ZCCHC7: variants seen among roughly 807,000 people sequenced by gnomAD.
ZCCHC7 encodes the protein zinc finger CCHC-type containing 7.
A neutral mutation model predicts 52.0 loss-of-function variants in ZCCHC7; 35 were observed. The ratio of observed to expected loss-of-function variants is 0.67; its 90% confidence interval spans 0.51 to 0.89. The LOEUF is 0.89. Among genes scored for constraint, ZCCHC7 ranks in the 40% least tolerant of loss-of-function variants. ZCCHC7 has a pLI of 0.00. For missense variants in ZCCHC7, 574 were observed against 649.1 expected, an observed-to-expected ratio of 0.88 and a Z score of 1.26; for synonymous variants, 217 against 221.5, an observed-to-expected ratio of 0.98 and a Z score of 0.18.
intron 2 of ZCCHC7, among the ~76,000 whole-genome samples, chr9:37,158,937 C>T (rs985998485): frequency 6.6e-6 from 1 of 152,178 alleles, no homozygotes; most frequent in Non-Finnish European, 1.5e-5. Context: ...GTGCAATCCT[C>T]CTAGTCTTGG....
chr9:37,157,444 A>G (rs867501296), intron 2 of ZCCHC7, among the ~76,000 whole-genome samples: 2 of 152,126 alleles, frequency 1.3e-5, no homozygotes, highest in African/African-American at 2.4e-5. Flanking sequence ...GTGAGCCATG[A>G]TTGTGCCACT....
At chr9:37,258,757 T>TAAAAAAAAAAAAAAA (rs5897683) in intron 2 of ZCCHC7, among the ~76,000 whole-genome samples, 4 of 55,366 alleles carry the variant, frequency 7.2e-5, no homozygotes, top group African/African-American at 3.4e-4. Context: ...TCCTGTCTCT[T>TAAAAAAAAAAAAAAA]AAAAAAAAAA....
intron 2 of ZCCHC7, among the ~76,000 whole-genome samples, chr9:37,221,431 G>A (rs1333926710): frequency 1.3e-5 from 2 of 152,154 alleles, no homozygotes; most frequent in East Asian, 3.9e-4. Context: ...AATGGCTATG[G>A]ATAATCATGT....
At chr9:37,129,826 G>A (rs1842698016) in intron 2 of ZCCHC7, among the ~76,000 whole-genome samples, 1 of 152,096 alleles carries the variant, frequency 6.6e-6, no homozygotes, top group Non-Finnish European at 1.5e-5. Context: ...GTAATTTCTT[G>A]GCACATACAT....
In ZCCHC7 at chr9:37,212,310, TA is replaced by T. The variant is rs542029893; in HGVS notation, c.610+85378del. On this transcript the variant is annotated intron_variant, in intron 2 of 8. Coordinates refer to ENST00000336755, the MANE Select transcript of ZCCHC7 (RefSeq NM_032226.3). ...CCCTGAGCCAATCTTCTACCATACC[TA>T]AAAAAAAAATTTTACTTAGAAATAT... 5.3e-5 allele frequency among the ~76,000 whole-genome samples: 8 copies of T among 149,546 alleles called. 1 individual carries two copies. Among genetic ancestry groups the T allele is most frequent in the Admixed American group, 2.0e-4 (3 of 14,958 alleles).
At chr9:37,198,873 C>T (rs1823434690) in intron 2 of ZCCHC7, among the ~76,000 whole-genome samples, 1 of 152,122 alleles carries the variant, frequency 6.6e-6, no homozygotes, top group Non-Finnish European at 1.5e-5. Context: ...TGTTCAATAC[C>T]TTTTTTGCAT....
At chr9:37,142,380 C>T (rs1351194617) in intron 2 of ZCCHC7, among the ~76,000 whole-genome samples, 1 of 151,576 alleles carries the variant, frequency 6.6e-6, no homozygotes, top group African/African-American at 2.4e-5. Flanking sequence ...TAAGGGCAAG[C>T]CTTCTTTCTG....
At chr9:37,288,830 A>G (rs1215317258) in intron 2 of ZCCHC7, among the ~76,000 whole-genome samples, 6 of 152,024 alleles carry the variant, frequency 3.9e-5, no homozygotes, top group Admixed American at 3.9e-4. Flanking sequence ...ATTCTTGCTC[A>G]TGTTCTATCC....
intron 2 of ZCCHC7, among the ~76,000 whole-genome samples, chr9:37,207,616 A>G (rs926767791): frequency 2.8e-5 from 4 of 145,334 alleles, no homozygotes; most frequent in South Asian, 2.1e-4. Context: ...GCTGTGTCCT[A>G]CAGTTTATGA....
At chr9:37,342,265 A>G (rs1820688695) in intron 6 of ZCCHC7, among the ~76,000 whole-genome samples, 1 of 152,184 alleles carries the variant, frequency 6.6e-6, no homozygotes, top group Non-Finnish European at 1.5e-5. Flanking sequence ...TTGGCCTAAG[A>G]AACTGGAAGG....
At chr9:37,338,864 T>C (rs1564264917) in intron 6 of ZCCHC7, among the ~76,000 whole-genome samples, 1 of 152,132 alleles carries the variant, frequency 6.6e-6, no homozygotes, top group Non-Finnish European at 1.5e-5. Context: ...TTTTCATGAA[T>C]TTTCATAAGG....
chr9:37,334,909 A>G (rs1830585648), intron 6 of ZCCHC7, among the ~76,000 whole-genome samples: 1 of 152,122 alleles, frequency 6.6e-6, no homozygotes, highest in Non-Finnish European at 1.5e-5. Context: ...AGAATTATTT[A>G]AAGTGAGTGT....
chr9:37,314,985 A>G (rs902797003), intron 5 of ZCCHC7, among the ~76,000 whole-genome samples: 1 of 152,076 alleles, frequency 6.6e-6, no homozygotes, highest in Non-Finnish European at 1.5e-5. Context: ...CCCAATATGC[A>G]GTTATTCATC....
intron 2 of ZCCHC7, among the ~76,000 whole-genome samples, chr9:37,151,324 G>A (rs547424792): frequency 6.6e-6 from 1 of 152,138 alleles, no homozygotes; most frequent in Admixed American, 6.5e-5. Flanking sequence ...AATCCTTCAA[G>A]TCTTTCTCAG....
chr9:37,208,422 T>A (rs1178641122), intron 2 of ZCCHC7, among the ~76,000 whole-genome samples: 2 of 152,196 alleles, frequency 1.3e-5, no homozygotes, highest in East Asian at 3.8e-4. Context: ...CTAGATTGCC[T>A]TCACCAACCC....
intron 2 of ZCCHC7, among the ~76,000 whole-genome samples, chr9:37,147,165 TAAA>T (rs35278333): frequency 1.3e-5 from 2 of 151,928 alleles, no homozygotes; most frequent in African/African-American, 4.8e-5. Flanking sequence ...ATTGCAATAT[TAAA>T]AAGTTAGCCC....
chr9:37,224,776 A>G (rs1026079416), intron 2 of ZCCHC7, among the ~76,000 whole-genome samples: 1 of 152,198 alleles, frequency 6.6e-6, no homozygotes, highest in African/African-American at 2.4e-5. Context: ...GAGATCCACA[A>G]ATCTCCACAA....
chr9:37,183,072 A>G (rs1039615631), intron 2 of ZCCHC7, among the ~76,000 whole-genome samples: 8 of 152,252 alleles, frequency 5.3e-5, no homozygotes, highest in African/African-American at 1.9e-4. Flanking sequence ...TAATTATATT[A>G]AAATCAATGT....
At chr9:37,153,228 T>A (rs1820629413) in intron 2 of ZCCHC7, among the ~76,000 whole-genome samples, 1 of 152,148 alleles carries the variant, frequency 6.6e-6, no homozygotes, top group African/African-American at 2.4e-5. Flanking sequence ...TGGAGTGCAC[T>A]GGTGTGATCT....
Sources: allele counts gnomAD v4.1 joint callset (sites outside exome capture counted in the v4.1 genomes callset), GRCh38; gene constraint gnomAD v4.1.1; transcripts MANE v1.5; gene names NCBI Gene and HGNC (gene_info 2026-07-23, HGNC 2026-07-21).